Variants in NAA25 observed in about 807,000 individuals in gnomAD.
NAA25 encodes N-alpha-acetyltransferase 25, NatB auxiliary subunit, also known as N-terminal acetyltransferase B complex subunit NAA25.
Under a neutral mutation model 132.5 loss-of-function variants are expected in NAA25, and 30 were observed. The observed-to-expected ratio is 0.23, with a 90% confidence interval of 0.17 to 0.31. The LOEUF (loss-of-function observed/expected upper bound fraction) is 0.31. Ranked by LOEUF, NAA25 falls within the 10% of genes least tolerant of loss-of-function variation. The probability of loss-of-function intolerance (pLI) is 1.00; values close to 1 mark genes in which losing one functional copy is unlikely to be tolerated. For missense variants in NAA25, 771 were observed against 1,150.4 expected (o/e 0.67, Z 4.77); for synonymous variants, 359 against 401.9 (o/e 0.89, Z 1.28).
intron 22 of NAA25, chr12:112,035,037 T>C (rs1044135370): frequency 1.5e-4 from 23 of 152,156 alleles, no homozygotes; most frequent in Admixed American, 1.4e-3. Context: ...CCCTGTTATA[T>C]GAAAACAAAA....
rs1397012292 is a variant in NAA25 at position 112,100,817 on chromosome 12, C to T, written c.59-7681G>A. On this transcript the variant is annotated intron_variant, in intron 1 of 23. Transcript: ENST00000261745. ...TGTATTTTTAGTGGAGACGGGGTTT[C>T]ACCGTGTTACCAGGATAGTCTCGAT... is the stretch of plus-strand genomic sequence containing the variant. 2.0e-5 allele frequency among the ~76,000 whole-genome samples: 3 copies of T among 151,486 alleles called. No individual in the cohort carries two copies. The East Asian group carries it at 5.9e-4, about 30-fold the overall frequency.
At chr12:112,098,906 A>G (rs2079252953) in intron 1 of NAA25, among the ~76,000 whole-genome samples, 1 of 151,946 alleles carries the variant, frequency 6.6e-6, no homozygotes, top group Non-Finnish European at 1.5e-5. Flanking sequence ...GCCTGGCCCT[A>G]ATCTCTTTTC....
rs542475287 is a variant in NAA25, at chr12:112,077,780, T to C, written c.664+408A>G. On this transcript the variant is annotated intron_variant, in intron 7 of 23. Transcript: ENST00000261745. ...TCCTGACTAGAGGGGCATTAATTAA[T>C]TTAAAATTTTTAAAGAAAAATTTTT... Among the ~76,000 whole-genome samples the C allele has an allele frequency of 2.8e-4, 43 of 152,178 alleles. No individual in the cohort carries two copies. The South Asian group carries it at 8.7e-3, about 31-fold the overall frequency.
intron 13 of NAA25, among the ~76,000 whole-genome samples, chr12:112,057,776 G>A (rs1342087307): frequency 6.6e-6 from 1 of 152,174 alleles, no homozygotes; most frequent in Non-Finnish European, 1.5e-5. Flanking sequence ...GGATCACGAG[G>A]TCAAGAGATC....
At chr12:112,093,839 G>A (rs1390770263) in intron 1 of NAA25, among the ~76,000 whole-genome samples, 1 of 152,106 alleles carries the variant, frequency 6.6e-6, no homozygotes, top group African/African-American at 2.4e-5. Context: ...CCACGGTCGT[G>A]CCACTGCACT....
intron 17 of NAA25, among the ~76,000 whole-genome samples, chr12:112,046,680 C>A (rs142743527): frequency 6.6e-6 from 1 of 152,300 alleles, no homozygotes; most frequent in African/African-American, 2.4e-5. Context: ...TAAAATTTAT[C>A]CCTGTGTAAA....
chr12:112,059,171 C>T (rs928168018), intron 13 of NAA25, among the ~76,000 whole-genome samples: 2 of 136,972 alleles, frequency 1.5e-5, no homozygotes, highest in African/African-American at 5.4e-5. Context: ...TACTCTGAGG[C>T]TAAGGCATGA....
chr12:112,035,732 C>T (rs2078216574), intron 22 of NAA25, among the ~76,000 whole-genome samples: 1 of 149,396 alleles, frequency 6.7e-6, no homozygotes, highest in South Asian at 2.1e-4. Flanking sequence ...CAGCCTTGTA[C>T]AGTGGTGCGA....
Position 112,029,270 on chromosome 12 carries a change from G to C in NAA25, c.*261C>G. 1 of 402,042 alleles carries C rather than the reference G, an allele frequency of 2.5e-6. No homozygotes were observed. The highest frequency in any genetic ancestry group is 2.0e-5 in the African/African-American group (1 of 49,790). The allele number at this position is 402,042 out of a possible 1,614,324, so 24.9% of individuals were successfully genotyped here. On this transcript the variant is annotated 3_prime_UTR_variant, in exon 24 of 24. Coordinates refer to ENST00000261745, the MANE Select transcript of NAA25 (RefSeq NM_024953.4). ...CTGGTGATGGGAAGAAGAAAAGTAG[G>C]GTTCTCTTGTTGCTGCCATATGCAT...
intron 15 of NAA25, among the ~76,000 whole-genome samples, chr12:112,050,987 G>A (rs1413444942): frequency 6.6e-6 from 1 of 152,136 alleles, no homozygotes. Flanking sequence ...CAAGGAAAAA[G>A]CATCCGGGGA....
At chr12:112,092,149 G>A (rs1224158491) in intron 2 of NAA25, among the ~76,000 whole-genome samples, 1 of 151,948 alleles carries the variant, frequency 6.6e-6, no homozygotes, top group Admixed American at 6.6e-5. Flanking sequence ...GCTGAGGCAG[G>A]AGAATTGCTT....
chr12:112,081,619 G>A (rs2078973819), intron 4 of NAA25, among the ~76,000 whole-genome samples: 1 of 152,108 alleles, frequency 6.6e-6, no homozygotes, highest in African/African-American at 2.4e-5. Flanking sequence ...CCAATAATTA[G>A]AACTGAAATC....
chr12:112,047,243 T>C (rs1169194419), intron 17 of NAA25, among the ~76,000 whole-genome samples: 2 of 151,256 alleles, frequency 1.3e-5, no homozygotes, highest in Non-Finnish European at 3.0e-5. Flanking sequence ...TTTTTTTTTT[T>C]TTTTGGAGAT....
chr12:112,107,968 G>C lies in NAA25; in HGVS notation c.58+748C>G, dbSNP rs561291498. Reference sequence around the variant, plus strand: ...AGGTAAGAGTTGTGGAGAGGGATCTGCTTAGCACAGGGAAGGAAAGCTGCA... The same window carrying C: ...AGGTAAGAGTTGTGGAGAGGGATCTCCTTAGCACAGGGAAGGAAAGCTGCA... On this transcript the variant is annotated intron_variant, in intron 1 of 23. Transcript: ENST00000261745. Among the ~76,000 whole-genome samples, 5 of 152,302 alleles carry C rather than the reference G, an allele frequency of 3.3e-5. No homozygotes were observed. In the East Asian group the frequency reaches 9.6e-4, roughly 29 times the overall value.
chr12:112,028,175 C>T lies in NAA25; in HGVS notation c.*1356G>A, dbSNP rs2078106679. The T allele has an allele frequency of 6.6e-6, 1 of 152,186 alleles. No homozygotes were observed. The highest frequency in any genetic ancestry group is 2.4e-5 in the African/African-American group (1 of 41,450). The allele number at this position is 152,186 out of a possible 1,614,324, so 9.4% of individuals were successfully genotyped here. A position where few individuals can be genotyped will look rare whatever the true frequency, so the allele number is the denominator to read the frequency against. On this transcript the variant is annotated 3_prime_UTR_variant, in exon 24 of 24. Coordinates refer to ENST00000261745, the MANE Select transcript of NAA25 (RefSeq NM_024953.4). ...CACTGGAGCAGTGCAGGTTGGAAAGCACCTTTAAGGTCTTCAAGACCAATC... is the reference window on the plus strand; with the variant it reads ...CACTGGAGCAGTGCAGGTTGGAAAGTACCTTTAAGGTCTTCAAGACCAATC...
Position 112,043,676 on chromosome 12 carries a change from C to T in NAA25, c.2199G>A (p.Gln733=). The T allele has an allele frequency of 6.2e-7, 1 of 1,614,164 alleles. No individual in the cohort carries two copies. Among genetic ancestry groups the T allele is most frequent in the South Asian group, 1.1e-5 (1 of 91,078 alleles). The change falls in exon 18 of 24, where the codon CAG becomes CAA. Residue 733 remains glutamine (Q), a synonymous_variant. Transcript: ENST00000261745. ...RIDILRLLLQ[Q]LEATLETGKR... ...TTCCTGTCTCCAGGGTTGCCTCCAG[C>T]TGTTGAAGGAGCAAACGAAGAATAT...
Position 112,050,663 on chromosome 12 carries a change from C to T in NAA25, c.1729-2220G>A, listed in dbSNP as rs558635549. On this transcript the variant is annotated intron_variant, in intron 15 of 23. Coordinates refer to ENST00000261745, the MANE Select transcript of NAA25 (RefSeq NM_024953.4). ...CCTCCCAAGTAGCTGGAATTACAGG[C>T]GCTCGCCAACACACCCAGATAATTT... Among the ~76,000 whole-genome samples the T allele has an allele frequency of 1.1e-3, 171 of 151,876 alleles. 2 individuals carry two copies. The highest frequency in any genetic ancestry group is 3.9e-3 in the African/African-American group (160 of 41,426).
intron 4 of NAA25, among the ~76,000 whole-genome samples, chr12:112,085,224 T>C (rs2079028897): frequency 6.6e-6 from 1 of 151,830 alleles, no homozygotes; most frequent in Non-Finnish European, 1.5e-5. Context: ...AGCAAGACTA[T>C]ATCACACACA....
In NAA25 at chr12:112,101,640, C is replaced by T. The variant is rs2079297573; in HGVS notation, c.58+7076G>A. Among the ~76,000 whole-genome samples, 2 of 151,832 alleles carry T rather than the reference C, an allele frequency of 1.3e-5. 1 individual carries two copies. The highest frequency in any genetic ancestry group is 4.8e-5 in the African/African-American group (2 of 41,310). ...GGTGTGGTGGCAGGTGCTTGTAATCCCAGCTACTTGGGAGGCTGAGGCAGG... is the reference window on the plus strand; with the variant it reads ...GGTGTGGTGGCAGGTGCTTGTAATCTCAGCTACTTGGGAGGCTGAGGCAGG... On this transcript the variant is annotated intron_variant, in intron 1 of 23. Transcript: ENST00000261745.
Sources: allele counts gnomAD v4.1 joint callset (sites outside exome capture counted in the v4.1 genomes callset), GRCh38; gene constraint gnomAD v4.1.1; transcripts MANE v1.5; gene names NCBI Gene and HGNC (gene_info 2026-07-23, HGNC 2026-07-21).